Variants in IMMP2L observed in about 807,000 individuals in gnomAD.
The protein encoded by IMMP2L is inner mitochondrial membrane peptidase subunit 2.
Under a neutral mutation model 19.3 loss-of-function variants are expected in IMMP2L, and 18 were observed. The observed-to-expected ratio is 0.93, with a 90% CI of 0.64 to 1.38. The LOEUF (loss-of-function observed/expected upper bound fraction) is 1.38. Among genes scored for constraint, IMMP2L ranks in the 40% most tolerant of loss-of-function variants. IMMP2L has a pLI of 0.00. For synonymous variants in IMMP2L, 76 were observed against 73.0 expected, an observed-to-expected ratio of 1.04 and a Z score of -0.21; for missense variants, 233 against 218.2, an observed-to-expected ratio of 1.07 and a Z score of -0.43.
chr7:111,335,195 G>A (rs1826274405), intron 3 of IMMP2L, among the ~76,000 whole-genome samples: 1 of 152,022 alleles, frequency 6.6e-6, no homozygotes, highest in Non-Finnish European at 1.5e-5. Flanking sequence ...CTAGGTTTCA[G>A]CCTCCCTCAC....
intron 3 of IMMP2L, among the ~76,000 whole-genome samples, chr7:111,078,956 C>A (rs1795646569): frequency 6.6e-6 from 1 of 152,034 alleles, no homozygotes; most frequent in African/African-American, 2.4e-5. Context: ...TCTCGAACTC[C>A]TGACCTGAGG....
At chr7:110,811,167 TG>T (rs1344139703) in intron 5 of IMMP2L, among the ~76,000 whole-genome samples, 1 of 152,060 alleles carries the variant, frequency 6.6e-6, no homozygotes, top group Non-Finnish European at 1.5e-5. Flanking sequence ...TTTTTTTTAT[TG>T]GTTTGACAGT....
intron 3 of IMMP2L, among the ~76,000 whole-genome samples, chr7:111,190,110 C>T (rs140947810): frequency 9.2e-5 from 14 of 152,146 alleles, no homozygotes; most frequent in African/African-American, 3.4e-4. Flanking sequence ...CATCTCATAC[C>T]ATTTTTTACA....
At chr7:111,435,536 T>C (rs1042062212) in intron 3 of IMMP2L, among the ~76,000 whole-genome samples, 1 of 150,724 alleles carries the variant, frequency 6.6e-6, no homozygotes, top group Admixed American at 6.6e-5. Context: ...GGTGGGAGGG[T>C]GGGAGGTGGG....
chr7:111,067,815 C>A (rs1385568834), intron 3 of IMMP2L, among the ~76,000 whole-genome samples: 9 of 151,922 alleles, frequency 5.9e-5, no homozygotes, highest in African/African-American at 2.2e-4. Flanking sequence ...TTACCTTAGG[C>A]CAAAGAAAAA....
At chr7:111,429,027 A>G (rs975908115) in intron 3 of IMMP2L, among the ~76,000 whole-genome samples, 12 of 152,060 alleles carry the variant, frequency 7.9e-5, no homozygotes, top group African/African-American at 2.2e-4. Context: ...GGACAGATAC[A>G]TAAGTAGTTG....
chr7:111,381,905 T>C (rs940346290), intron 3 of IMMP2L, among the ~76,000 whole-genome samples: 1 of 151,990 alleles, frequency 6.6e-6, no homozygotes, highest in African/African-American at 2.4e-5. Context: ...AAGGCTGTTA[T>C]CACCCATTGA....
intron 3 of IMMP2L, among the ~76,000 whole-genome samples, chr7:111,254,587 A>G (rs1434533607): frequency 6.6e-6 from 1 of 152,120 alleles, no homozygotes; most frequent in Non-Finnish European, 1.5e-5. Flanking sequence ...GATGAACCCA[A>G]TGTATTAACA....
At chr7:110,685,008 A>G (rs891879001) in intron 5 of IMMP2L, among the ~76,000 whole-genome samples, 1 of 152,020 alleles carries the variant, frequency 6.6e-6, no homozygotes, top group Non-Finnish European at 1.5e-5. Context: ...ATCTCCTTAA[A>G]GCTGAAAAGA....
intron 4 of IMMP2L, among the ~76,000 whole-genome samples, chr7:110,913,505 G>A (rs1813275513): frequency 1.3e-5 from 2 of 151,974 alleles, no homozygotes; most frequent in Admixed American, 1.3e-4. Context: ...AATGAACAAA[G>A]GACCTGCATA....
intron 4 of IMMP2L, among the ~76,000 whole-genome samples, chr7:110,887,944 T>C (rs956846243): frequency 8.5e-5 from 13 of 152,140 alleles, no homozygotes; most frequent in African/African-American, 3.1e-4. Flanking sequence ...GCAATTTGTA[T>C]GTGTGCAGAA....
At chr7:111,067,499 G>T (rs1344305758) in intron 3 of IMMP2L, among the ~76,000 whole-genome samples, 1 of 152,154 alleles carries the variant, frequency 6.6e-6, no homozygotes, top group Non-Finnish European at 1.5e-5. Context: ...CCTTAGATTG[G>T]CTGTGTCATT....
At chr7:111,377,942 T>A (rs1371096139) in intron 3 of IMMP2L, among the ~76,000 whole-genome samples, 2 of 151,732 alleles carry the variant, frequency 1.3e-5, no homozygotes, top group African/African-American at 4.9e-5. Flanking sequence ...TAATTCTAAC[T>A]TAACTTAGTT....
intron 3 of IMMP2L, among the ~76,000 whole-genome samples, chr7:111,158,762 C>T (rs544910667): frequency 1.3e-5 from 2 of 152,004 alleles, no homozygotes; most frequent in Non-Finnish European, 2.9e-5. Flanking sequence ...AATTATCAAA[C>T]TGAAGAACAA....
At chr7:111,336,720 C>T (rs993763386) in intron 3 of IMMP2L, among the ~76,000 whole-genome samples, 4 of 151,950 alleles carry the variant, frequency 2.6e-5, no homozygotes, top group African/African-American at 9.7e-5. Flanking sequence ...CAATTATCTT[C>T]ATAATAAAGC....
At chr7:111,127,631 T>A (rs942129493) in intron 3 of IMMP2L, among the ~76,000 whole-genome samples, 1 of 152,172 alleles carries the variant, frequency 6.6e-6, no homozygotes, top group Non-Finnish European at 1.5e-5. Context: ...TACCTCTTAA[T>A]CCTCACATAA....
intron 3 of IMMP2L, among the ~76,000 whole-genome samples, chr7:111,253,054 C>T (rs1816322175): frequency 6.6e-6 from 1 of 152,018 alleles, no homozygotes; most frequent in Non-Finnish European, 1.5e-5. Context: ...GTGTTTCCAA[C>T]TTTATCATAA....
intron 5 of IMMP2L, among the ~76,000 whole-genome samples, chr7:110,682,534 T>C (rs1792798231): frequency 6.6e-6 from 1 of 152,016 alleles, no homozygotes; most frequent in African/African-American, 2.4e-5. Context: ...CAGCAACTGA[T>C]TGGATATGGG....
chr7:111,306,768 T>C (rs1822924253), intron 3 of IMMP2L, among the ~76,000 whole-genome samples: 1 of 151,792 alleles, frequency 6.6e-6, no homozygotes, highest in South Asian at 2.1e-4. Context: ...TTGATGATGT[T>C]TTCTGACTTT....
Sources: gnomAD v4.1 joint callset for allele counts (sites outside exome capture counted in the v4.1 genomes callset) on GRCh38, gnomAD v4.1.1 for gene constraint, MANE v1.5 for transcripts, NCBI Gene and HGNC (gene_info 2026-07-23, HGNC 2026-07-21) for gene names.